Variants in MTHFD1 observed in about 807,000 individuals in gnomAD.
MTHFD1 encodes methylenetetrahydrofolate dehydrogenase, cyclohydrolase and formyltetrahydrofolate synthetase 1.
MTHFD1 carries 44 observed loss-of-function variants against 110.3 expected under a neutral mutation model. That is an observed-to-expected ratio of 0.40 (90% CI 0.31 to 0.51). The LOEUF is 0.51. Among genes scored for constraint, MTHFD1 ranks in the 20% least tolerant of loss-of-function variants. The pLI, the probability that MTHFD1 is intolerant of heterozygous loss-of-function variation, is 0.60. For synonymous variants in MTHFD1, 402 were observed against 428.8 expected (o/e 0.94, Z 0.77); for missense variants, 909 against 1,173.1 (o/e 0.77, Z 3.29).
intron 23 of MTHFD1, 179 bp downstream of exon 23, chr14:64,448,496 T>G (rs2078314945): frequency 1.6e-6 from 1 of 634,686 alleles, no homozygotes; most frequent in Middle Eastern, 2.5e-4. Context: ...CCTCACCCAC[T>G]GAGGGTCCCA....
At chr14:64,411,351 A>G (rs1320510736) in intron 3 of MTHFD1, among the ~76,000 whole-genome samples, 1 of 152,048 alleles carries the variant, frequency 6.6e-6, no homozygotes, top group Non-Finnish European at 1.5e-5. Context: ...CTCATTAATG[A>G]TTTTCTTCCC....
In MTHFD1 at chr14:64,449,631, T is replaced by A; in HGVS notation, c.2457+9T>A. 1 of 1,613,822 alleles carries A rather than the reference T, an allele frequency of 6.2e-7. No homozygotes were observed. The highest frequency in any genetic ancestry group is 8.5e-7 in the Non-Finnish European group (1 of 1,179,978). On this transcript the variant is annotated intron_variant, in intron 24 of 27. Transcript: ENST00000652337. The stretch of plus-strand genomic sequence containing the variant: ...TCCTTTATGACCTCAAGGTGGGTGA[T>A]TTGCTGTCTGCAAAAAAAGAAAAAA...
chr14:64,439,068 C>T (rs750078047), intron 16 of MTHFD1, 28 bp from the exon 17 acceptor site: 14 of 1,565,464 alleles, frequency 8.9e-6, no homozygotes, highest in Admixed American at 1.7e-5. Context: ...TACTCAAAAT[C>T]GTTCTATATC....
intron 1 of MTHFD1, among the ~76,000 whole-genome samples, chr14:64,395,800 C>G (rs1248711172): frequency 6.6e-6 from 1 of 152,048 alleles, no homozygotes; most frequent in Non-Finnish European, 1.5e-5. Flanking sequence ...TGATCTGGTC[C>G]AAATGTCAGT....
chr14:64,396,445 G>A (rs1254483428), intron 1 of MTHFD1, among the ~76,000 whole-genome samples: 1 of 143,770 alleles, frequency 7.0e-6, no homozygotes, highest in Non-Finnish European at 1.5e-5. Flanking sequence ...AGGCTGGAGT[G>A]CAATGGCGCG....
chr14:64,395,482 G>T (rs2077840378), intron 1 of MTHFD1, among the ~76,000 whole-genome samples: 1 of 152,176 alleles, frequency 6.6e-6, no homozygotes, highest in South Asian at 2.1e-4. Flanking sequence ...ACCACACTTG[G>T]TTGCCTGTAC....
chr14:64,412,098 T>C (rs1338502988), intron 3 of MTHFD1, among the ~76,000 whole-genome samples: 1 of 152,190 alleles, frequency 6.6e-6, no homozygotes, highest in African/African-American at 2.4e-5. Context: ...TCACTACGAA[T>C]TTCTTTGTGG....
At chr14:64,389,073 T>G (rs2077785133) in intron 1 of MTHFD1, 1 of 153,588 alleles carries the variant, frequency 6.5e-6, no homozygotes, top group Non-Finnish European at 1.5e-5. Flanking sequence ...TATTCTGCAT[T>G]CCACTTGACC....
At chr14:64,425,290 G>A (rs925320379) in intron 9 of MTHFD1, among the ~76,000 whole-genome samples, 15 of 146,058 alleles carry the variant, frequency 1.0e-4, no homozygotes, top group African/African-American at 3.3e-4. Flanking sequence ...TTGGCTTACC[G>A]CAACCTCCAT....
Position 64,440,170 on chromosome 14 carries a change from G to A in MTHFD1, c.1719G>A (p.Leu573=). Residue 573 remains leucine, a synonymous_variant, in exon 18 of 28, where the codon CTG becomes CTA. Coordinates refer to ENST00000652337, the MANE Select transcript of MTHFD1 (RefSeq NM_005956.4). Reference sequence around the variant, plus strand: ...TGGCCAGTGAAATTATGGCTGTCCTGGCTCTCACCACTTCTCTAGAAGACA... The same window carrying A: ...TGGCCAGTGAAATTATGGCTGTCCTAGCTCTCACCACTTCTCTAGAAGACA... ...ISVASEIMAV[L]ALTTSLEDMR... 6.2e-7 allele frequency: 1 copy of A among 1,614,052 alleles called. No homozygotes were observed. Among genetic ancestry groups the A allele is most frequent in the Non-Finnish European group, 8.5e-7 (1 of 1,180,022 alleles).
Position 64,405,405 on chromosome 14 carries a change from T to C in MTHFD1, c.126+4528T>C, listed in dbSNP as rs151192831. Among the ~76,000 whole-genome samples, 466 of 152,340 alleles carry C rather than the reference T, an allele frequency of 3.1e-3. 2 individuals are homozygous for C. The highest frequency in any genetic ancestry group is 8.3e-3 in the South Asian group (40 of 4,830). ...TGCTGATAAAACAGTGGTAGAATCT[T>C]TTAATTTTGTACTTTAGCACCAGAG... On this transcript the variant is annotated intron_variant, in intron 2 of 27. Transcript: ENST00000652337.
chr14:64,454,047 C>T (rs1046481794), intron 25 of MTHFD1, among the ~76,000 whole-genome samples, 186 bp downstream of exon 25: 2 of 152,058 alleles, frequency 1.3e-5, no homozygotes, highest in Non-Finnish European at 2.9e-5. Flanking sequence ...TACCCATAGG[C>T]GTTATATGAA....
In MTHFD1 at chr14:64,427,205, A is replaced by G. The variant is rs980899438; in HGVS notation, c.1128-132A>G. The G allele has an allele frequency of 3.9e-6, 4 of 1,032,440 alleles. No individual in the cohort carries two copies. In the African/African-American group the frequency reaches 4.8e-5, roughly 12 times the overall value. The allele number at this position is 1,032,440 out of a possible 1,614,324, so 64.0% of individuals were successfully genotyped here. On this transcript the variant is annotated intron_variant, in intron 11 of 27. Transcript: ENST00000652337. ...TATATAGCTGGGACTACAGGCATAC[A>G]CTGCTATGCCTGACTTTGTCTTTCT...
At chr14:64,431,900 A>G in intron 15 of MTHFD1, 39 bp downstream of exon 15, 1 of 1,543,396 alleles carries the variant, frequency 6.5e-7, no homozygotes, top group Non-Finnish European at 9.0e-7. Flanking sequence ...TATTGTATGG[A>G]ATCTGGAATC....
intron 1 of MTHFD1, chr14:64,388,878 C>T: frequency 3.3e-6 from 1 of 298,716 alleles, no homozygotes; most frequent in Non-Finnish European, 6.4e-6. Flanking sequence ...GACTACAAGG[C>T]TGATAATGAC....
At position 64,430,168 on chromosome 14, in the gene MTHFD1, T is replaced by G; in HGVS notation, c.1265-16T>G. On this transcript the variant is annotated splice_polypyrimidine_tract_variant and intron_variant, in intron 12 of 27. Transcript: ENST00000652337. The stretch of plus-strand genomic sequence containing the variant: ...AGCATGCTTAACTGAGCTTCCACCC[T>G]TGACCTGTCCCCTAGGTGGCGCTGC... The G allele has an allele frequency of 6.2e-7, 1 of 1,613,324 alleles. No homozygotes were observed. Among genetic ancestry groups the G allele is most frequent in the African/African-American group, 1.3e-5 (1 of 75,026 alleles).
chr14:64,439,121 G>T lies in MTHFD1; in HGVS notation c.1623G>T (p.Leu541=). 6.2e-7 allele frequency: 1 copy of T among 1,613,996 alleles called. No homozygotes were observed. The highest frequency in any genetic ancestry group is 8.5e-7 in the Non-Finnish European group (1 of 1,179,900). Residue 541 remains leucine, a synonymous_variant, in exon 17 of 28, where the codon CTG becomes CTT. Coordinates refer to ENST00000652337, the MANE Select transcript of MTHFD1 (RefSeq NM_005956.4). ...TGTTGGATACCAATGATAGATTCCT[G>T]AGGAAGATCACGATTGGACAGGCTC... ...QRVLDTNDRF[L]RKITIGQAPT...
chr14:64,412,573 C>G, intron 4 of MTHFD1, 48 bp downstream of exon 4: 1 of 1,497,164 alleles, frequency 6.7e-7, no homozygotes, highest in Non-Finnish European at 9.3e-7. Flanking sequence ...AAGTGGTTTC[C>G]TCTCTGGTTT....
At position 64,441,386 on chromosome 14, in the gene MTHFD1, G is replaced by C. The variant is rs764184211; in HGVS notation, c.1817G>C (p.Gly606Ala). 6.2e-7 allele frequency: 1 copy of C among 1,614,058 alleles called. No homozygotes were observed. Among genetic ancestry groups the C allele is most frequent in the Admixed American group, 1.7e-5 (1 of 60,014 alleles). ...KGEPVSAEDL[G>A]VSGALTVLMK... ...ATGCTGCACACATTTGTTTTGTAGG[G>C]GGTGAGTGGTGCACTGACAGTGCTT... The change falls in exon 19 of 28, where the codon GGG (glycine) becomes GCG (alanine). Residue 606 changes from glycine to alanine, a missense_variant and splice_region_variant. Physicochemically the swap from Gly to Ala is moderately conservative, Grantham distance 60. Transcript: ENST00000652337.
Sources: allele counts gnomAD v4.1 joint callset (sites outside exome capture counted in the v4.1 genomes callset), GRCh38; gene constraint gnomAD v4.1.1; transcripts MANE v1.5; gene names NCBI Gene and HGNC (gene_info 2026-07-23, HGNC 2026-07-21).